NRXN3: variants seen among roughly 807,000 people sequenced by gnomAD.
NRXN3 encodes neurexin 3.
NRXN3 carries 32 observed loss-of-function variants against 137.6 expected under a neutral mutation model. The observed-to-expected ratio is 0.23, with a 90% confidence interval of 0.18 to 0.31. The LOEUF (loss-of-function observed/expected upper bound fraction) is 0.31, where lower values mean the gene tolerates loss of function less well. Among genes scored for constraint, NRXN3 ranks in the 10% least tolerant of loss-of-function variants. The pLI is 1.00. For synonymous variants in NRXN3, 798 were observed against 784.5 expected, an observed-to-expected ratio of 1.02 and a Z score of -0.29; for missense variants, 1,574 against 2,062.5, an observed-to-expected ratio of 0.76 and a Z score of 4.59.
intron 15 of NRXN3, among the ~76,000 whole-genome samples, chr14:79,373,654 T>G (rs573273932): frequency 1.3e-5 from 2 of 152,340 alleles, no homozygotes; most frequent in South Asian, 4.1e-4. Context: ...TTACTATTCA[T>G]CTTGTTATCT....
At chr14:78,658,786 C>T (rs529490834) in intron 6 of NRXN3, among the ~76,000 whole-genome samples, 33 of 152,094 alleles carry the variant, frequency 2.2e-4, no homozygotes, top group Non-Finnish European at 3.5e-4. Context: ...GGAAGATGTA[C>T]GGAAAAGCAC....
chr14:78,425,027 A>T (rs2093607115), intron 4 of NRXN3, among the ~76,000 whole-genome samples: 1 of 152,118 alleles, frequency 6.6e-6, no homozygotes, highest in Non-Finnish European at 1.5e-5. Flanking sequence ...CTTCCTCGAG[A>T]TGGATCTACA....
intron 15 of NRXN3, among the ~76,000 whole-genome samples, chr14:79,412,614 TA>T (rs1213332196): frequency 1.3e-4 from 16 of 126,744 alleles, no homozygotes; most frequent in East Asian, 2.2e-4. Flanking sequence ...CCCCATCTAC[TA>T]AAAAAAAAAT....
intron 4 of NRXN3, among the ~76,000 whole-genome samples, chr14:78,346,746 C>T (rs947737780): frequency 1.3e-5 from 2 of 152,182 alleles, no homozygotes; most frequent in Non-Finnish European, 2.9e-5. Flanking sequence ...TGCCACAGGA[C>T]ATGTGGTTGA....
chr14:78,715,249 A>G, intron 8 of NRXN3, 110 bp downstream of exon 8: 3 of 1,395,264 alleles, frequency 2.2e-6, no homozygotes, highest in Non-Finnish European at 2.9e-6. Flanking sequence ...TCTTTCTTCC[A>G]AGAGTTTTTG....
chr14:78,286,735 C>T (rs2075229083), intron 3 of NRXN3, among the ~76,000 whole-genome samples: 2 of 152,166 alleles, frequency 1.3e-5, no homozygotes, highest in African/African-American at 4.8e-5. Flanking sequence ...CCTAGATAGA[C>T]CAGTCCCCTA....
intron 4 of NRXN3, among the ~76,000 whole-genome samples, chr14:78,608,100 A>G (rs1205458646): frequency 6.6e-6 from 1 of 152,224 alleles, no homozygotes; most frequent in Non-Finnish European, 1.5e-5. Flanking sequence ...GTATAAAGAA[A>G]ACCAGAGACA....
At chr14:79,406,302 T>C (rs2095310813) in intron 15 of NRXN3, among the ~76,000 whole-genome samples, 1 of 136,032 alleles carries the variant, frequency 7.4e-6, no homozygotes. Flanking sequence ...TCCTCTCCTC[T>C]CCTCTCCTCC....
intron 4 of NRXN3, among the ~76,000 whole-genome samples, chr14:78,527,289 A>G (rs4903780): frequency 0.54 from 81,793 of 152,046 alleles, 24,182 homozygotes; most frequent in Non-Finnish European, 0.65. Flanking sequence ...GGAGGCCTTA[A>G]GAAACTTGTA....
chr14:79,236,788 G>A (rs986564614), intron 15 of NRXN3, among the ~76,000 whole-genome samples: 7 of 151,856 alleles, frequency 4.6e-5, no homozygotes, highest in South Asian at 2.1e-4. Flanking sequence ...GGTGGCACAC[G>A]CATGTAGTTC....
At chr14:78,216,213 G>T (rs1175265322) in intron 1 of NRXN3, among the ~76,000 whole-genome samples, 2 of 151,916 alleles carry the variant, frequency 1.3e-5, no homozygotes, top group Non-Finnish European at 2.9e-5. Context: ...CTTCCTAAAG[G>T]TATCAAGTTA....
chr14:79,591,832 T>A (rs934967089), intron 16 of NRXN3, among the ~76,000 whole-genome samples: 1 of 152,236 alleles, frequency 6.6e-6, no homozygotes, highest in Non-Finnish European at 1.5e-5. Context: ...TGCTTCACAG[T>A]CATTTCATGA....
intron 15 of NRXN3, among the ~76,000 whole-genome samples, chr14:79,222,953 C>T (rs1308848725): frequency 2.6e-5 from 4 of 151,972 alleles, no homozygotes; most frequent in African/African-American, 9.7e-5. Context: ...AAATATTTTT[C>T]CCATTATGGC....
intron 15 of NRXN3, among the ~76,000 whole-genome samples, chr14:79,030,223 G>A (rs34545514): frequency 1.1e-3 from 171 of 151,656 alleles, no homozygotes; most frequent in Admixed American, 1.3e-3. Context: ...CTACATAGTA[G>A]ATGCCAGTAG....
At chr14:78,917,438 C>T (rs1456857512) in intron 10 of NRXN3, among the ~76,000 whole-genome samples, 2 of 152,132 alleles carry the variant, frequency 1.3e-5, no homozygotes, top group Admixed American at 1.3e-4. Context: ...CAGACCTGCA[C>T]ATGTACCCTT....
At chr14:79,200,816 C>T (rs2065869142) in intron 15 of NRXN3, among the ~76,000 whole-genome samples, 1 of 142,432 alleles carries the variant, frequency 7.0e-6, no homozygotes, top group Non-Finnish European at 1.5e-5. Context: ...CTATTGCTCT[C>T]CTGTGAGCTG....
At chr14:78,651,129 G>T in intron 5 of NRXN3, 36 bp from the exon 6 acceptor site, 1 of 1,603,320 alleles carries the variant, frequency 6.2e-7, no homozygotes, top group Non-Finnish European at 8.5e-7. Context: ...TAAGGTCATT[G>T]TTGGGATTTT....
intron 15 of NRXN3, among the ~76,000 whole-genome samples, chr14:79,372,033 T>C (rs150591695): frequency 1.2e-4 from 19 of 152,290 alleles, no homozygotes; most frequent in African/African-American, 3.4e-4. Context: ...ATTTATATGC[T>C]GATATAGATG....
At chr14:79,374,334 C>A (rs185948413) in intron 15 of NRXN3, among the ~76,000 whole-genome samples, 1 of 151,942 alleles carries the variant, frequency 6.6e-6, no homozygotes, top group African/African-American at 2.4e-5. Flanking sequence ...AGGTCAGAAA[C>A]GCCTCATTAC....
Sources: gnomAD v4.1 joint callset for allele counts (sites outside exome capture counted in the v4.1 genomes callset) on GRCh38, gnomAD v4.1.1 for gene constraint, MANE v1.5 for transcripts, NCBI Gene and HGNC (gene_info 2026-07-23, HGNC 2026-07-21) for gene names.